CCDC7: variants seen among roughly 807,000 people sequenced by gnomAD.
CCDC7 encodes the protein coiled-coil domain containing 7.
Under a neutral mutation model 196.9 loss-of-function variants are expected in CCDC7, and 183 were observed. That is an observed-to-expected ratio of 0.93 (90% CI 0.82 to 1.05). CCDC7 has a LOEUF of 1.05. CCDC7 is among the 50% of genes least tolerant of loss of function. The pLI is 0.00. For missense variants in CCDC7, 1,540 were observed against 1,482.2 expected, an observed-to-expected ratio of 1.04 and a Z score of -0.64; for synonymous variants, 525 against 484.6, an observed-to-expected ratio of 1.08 and a Z score of -1.10.
intron 8 of CCDC7, among the ~76,000 whole-genome samples, chr10:32,485,087 T>C (rs1302387157): frequency 1.3e-5 from 2 of 152,248 alleles, no homozygotes; most frequent in Non-Finnish European, 2.9e-5. Context: ...CAGCTCCTCC[T>C]TGTACCTCTG....
intron 20 of CCDC7, among the ~76,000 whole-genome samples, chr10:32,643,777 C>T (rs1564940341): frequency 6.6e-6 from 1 of 151,438 alleles, no homozygotes; most frequent in South Asian, 2.1e-4. Context: ...AGTAGAAACA[C>T]TTTCATGATT....
chr10:32,804,258 T>C (rs554153394), intron 29 of CCDC7, among the ~76,000 whole-genome samples: 94 of 152,228 alleles, frequency 6.2e-4, no homozygotes, highest in Non-Finnish European at 1.1e-3. Context: ...TTTCAGGTAT[T>C]TTTCCTGTTA....
At chr10:32,879,353 G>A (rs902137775), downstream of CCDC7, among the ~76,000 whole-genome samples, 1 of 152,132 alleles carries the variant, frequency 6.6e-6, no homozygotes, top group African/African-American at 2.4e-5. Flanking sequence ...GCTTAGCAAA[G>A]ATTATATGAT....
chr10:32,808,857 G>A (rs2086440522), intron 30 of CCDC7, among the ~76,000 whole-genome samples: 1 of 152,012 alleles, frequency 6.6e-6, no homozygotes. Context: ...GTATACCACT[G>A]CATACACCCA....
At chr10:32,487,609 T>C (rs2134343810) in intron 8 of CCDC7, among the ~76,000 whole-genome samples, 1 of 152,308 alleles carries the variant, frequency 6.6e-6, no homozygotes, top group South Asian at 2.1e-4. Flanking sequence ...TCCCCATCTT[T>C]GTGGTTTTAT....
chr10:32,846,452 T>G (rs745522657), exon 37 of CCDC7: 1 of 1,583,710 alleles, frequency 6.3e-7, no homozygotes, highest in South Asian at 1.1e-5. Flanking sequence ...AATTAAAGAG[T>G]CACCAGGGTA....
chr10:32,712,489 C>T (rs1307547205), intron 25 of CCDC7, among the ~76,000 whole-genome samples: 2 of 152,116 alleles, frequency 1.3e-5, no homozygotes, highest in Non-Finnish European at 2.9e-5. Context: ...CATCTGGTTC[C>T]TTTTGGGTAG....
At chr10:32,473,988 C>T (rs747468492) in exon 8 of CCDC7, 1 of 1,611,154 alleles carries the variant, frequency 6.2e-7, no homozygotes, top group South Asian at 1.1e-5. Context: ...GCCCACTCAA[C>T]TGATGAATTT....
chr10:32,677,098 A>G (rs1346574339), intron 21 of CCDC7, among the ~76,000 whole-genome samples: 1 of 150,976 alleles, frequency 6.6e-6, no homozygotes, highest in African/African-American at 2.5e-5. Context: ...CATCATTCTC[A>G]GTAAACTATT....
At chr10:32,489,873 G>T (rs2041882815) in intron 8 of CCDC7, among the ~76,000 whole-genome samples, 1 of 151,998 alleles carries the variant, frequency 6.6e-6, no homozygotes, top group African/African-American at 2.4e-5. Flanking sequence ...TCTGTGGTCT[G>T]GGTCACACAT....
chr10:32,452,656 C>T (rs1424035105), intron 1 of CCDC7, among the ~76,000 whole-genome samples: 1 of 152,114 alleles, frequency 6.6e-6, no homozygotes, highest in African/African-American at 2.4e-5. Flanking sequence ...TGGGGTTTCA[C>T]CATACTGGTC....
At chr10:32,467,956 G>C (rs1164173714) in intron 5 of CCDC7, among the ~76,000 whole-genome samples, 2 of 152,130 alleles carry the variant, frequency 1.3e-5, no homozygotes, top group African/African-American at 4.8e-5. Context: ...GTCTGGTTTT[G>C]TGCCAGTACC....
intron 29 of CCDC7, among the ~76,000 whole-genome samples, chr10:32,803,753 T>A (rs2085271920): frequency 6.6e-6 from 1 of 152,194 alleles, no homozygotes. Context: ...TATTGATAGA[T>A]AAGAACTTGT....
At chr10:32,845,836 T>A (rs759518025) in intron 35 of CCDC7, 40 bp from the exon 37 acceptor site, 4 of 1,470,462 alleles carry the variant, frequency 2.7e-6, no homozygotes, top group Admixed American at 3.4e-5. Flanking sequence ...TGGTAATGTT[T>A]ACCTTATAAA....
At chr10:32,820,644 C>T (rs181831789) in intron 31 of CCDC7, among the ~76,000 whole-genome samples, 7 of 152,172 alleles carry the variant, frequency 4.6e-5, no homozygotes, top group Admixed American at 3.3e-4. Flanking sequence ...CAGGACATAG[C>T]CCTCAGAAAT....
chr10:32,738,896 A>G (rs2085343370), intron 28 of CCDC7, among the ~76,000 whole-genome samples: 1 of 151,626 alleles, frequency 6.6e-6, no homozygotes, highest in Admixed American at 6.6e-5. Flanking sequence ...ATGCAAGGAT[A>G]CTGGCAACAA....
Position 32,706,162 on chromosome 10 carries a change from A to G in CCDC7, c.2459-5458A>G, listed in dbSNP as rs111291202. 8.1e-3 allele frequency among the ~76,000 whole-genome samples: 1,238 copies of G among 152,266 alleles called. 18 individuals carry two copies. Among genetic ancestry groups the G allele is most frequent in the Middle Eastern group, 0.02 (6 of 294 alleles). On this transcript the variant is annotated intron_variant, in intron 24 of 41. Transcript: ENST00000639629. Reference sequence around the variant, plus strand: ...ATCAAATTAGAACTCAGGATTGAGAAACTCTTTCAAAACTGCTCAACTATA... The same window carrying G: ...ATCAAATTAGAACTCAGGATTGAGAGACTCTTTCAAAACTGCTCAACTATA...
chr10:32,812,193 A>G (rs1396988448), intron 30 of CCDC7, among the ~76,000 whole-genome samples: 8 of 152,080 alleles, frequency 5.3e-5, no homozygotes, highest in Admixed American at 5.2e-4. Context: ...CAAATATCAC[A>G]TGTACCCCAT....
chr10:32,542,126 A>G (rs1197691488), intron 11 of CCDC7, among the ~76,000 whole-genome samples: 2 of 152,222 alleles, frequency 1.3e-5, no homozygotes, highest in Non-Finnish European at 2.9e-5. Flanking sequence ...CAAACGTCCT[A>G]AAATTTTTAA....
Sources: gnomAD v4.1 joint callset for allele counts (sites outside exome capture counted in the v4.1 genomes callset) on GRCh38, gnomAD v4.1.1 for gene constraint, MANE v1.5 for transcripts, NCBI Gene and HGNC (gene_info 2026-07-23, HGNC 2026-07-21) for gene names.